Variants in DPYSL2 observed in about 807,000 individuals in gnomAD.
DPYSL2 encodes dihydropyrimidinase like 2.
A neutral mutation model predicts 69.9 loss-of-function variants in DPYSL2; 13 were observed. The ratio of observed to expected loss-of-function variants is 0.19; its 90% CI spans 0.12 to 0.30. The LOEUF (loss-of-function observed/expected upper bound fraction) is 0.30. DPYSL2 is among the 10% of genes least tolerant of loss of function. The probability of loss-of-function intolerance (pLI) is 1.00; values close to 1 mark genes in which losing one functional copy is unlikely to be tolerated. For missense variants in DPYSL2, 587 were observed against 918.9 expected (o/e 0.64, Z 4.67); for synonymous variants, 326 against 359.1 (o/e 0.91, Z 1.04).
At chr8:26,604,406 C>T (rs542288216) in intron 3 of DPYSL2, among the ~76,000 whole-genome samples, 33 of 152,224 alleles carry the variant, frequency 2.2e-4, no homozygotes, top group African/African-American at 7.7e-4. Flanking sequence ...GCCCAGTGGC[C>T]AGTTTCCATC....
intron 3 of DPYSL2, among the ~76,000 whole-genome samples, chr8:26,603,009 T>C (rs1802026613): frequency 6.6e-6 from 1 of 152,210 alleles, no homozygotes; most frequent in South Asian, 2.1e-4. Context: ...AAGAGAGAGA[T>C]GTGTGCAGAA....
rs1021625557 is a variant in DPYSL2, at chr8:26,588,199, A to G, written c.628+4216A>G. On this transcript the variant is annotated intron_variant, in intron 3 of 13. Coordinates refer to ENST00000521913, the MANE Select transcript of DPYSL2 (RefSeq NM_001197293.3). This position sits in a 1 kb window ranked among gnomAD's most constrained non-coding sequence, Gnocchi z 5.4. ...TACACTGAGCTCTACTCTCCCCCGC[A>G]TGGCCGGAGAAACAGGCTGAGCTGC... 1.2e-4 allele frequency among the ~76,000 whole-genome samples: 19 copies of G among 152,160 alleles called. No homozygotes were observed. Among genetic ancestry groups the G allele is most frequent in the African/African-American group, 3.9e-4 (16 of 41,434 alleles).
At chr8:26,596,026 G>A (rs1801854555) in intron 3 of DPYSL2, among the ~76,000 whole-genome samples, 1 of 151,964 alleles carries the variant, frequency 6.6e-6, no homozygotes, top group South Asian at 2.1e-4. Context: ...GAAATCACAG[G>A]GGATGAAAAA....
chr8:26,652,561 G>C lies in DPYSL2; in HGVS notation c.1776+125G>C. The C allele has an allele frequency of 9.2e-7, 1 of 1,081,580 alleles. No individual in the cohort carries two copies. The highest frequency in any genetic ancestry group is 1.3e-6 in the Non-Finnish European group (1 of 770,250). The allele number at this position is 1,081,580 out of a possible 1,614,324, so 67.0% of individuals were successfully genotyped here. ...TTTAGTGGATTCCAGGGATAAGAGG[G>C]AGCCTGAATTTTTTATTCCTGGCAT... On this transcript the variant is annotated intron_variant, in intron 12 of 13. Coordinates refer to ENST00000521913, the MANE Select transcript of DPYSL2 (RefSeq NM_001197293.3). The surrounding 1 kb of genome is among the most constrained non-coding windows in gnomAD (Gnocchi z 6.3).
chr8:26,550,777 G>A (rs1800862618), intron 1 of DPYSL2, among the ~76,000 whole-genome samples: 1 of 152,184 alleles, frequency 6.6e-6, no homozygotes, highest in African/African-American at 2.4e-5. Context: ...CTCAGTGCAA[G>A]TCTGAAGGCC....
intron 7 of DPYSL2, among the ~76,000 whole-genome samples, chr8:26,630,847 G>A (rs1486366937): frequency 1.3e-5 from 2 of 152,158 alleles, no homozygotes; most frequent in African/African-American, 4.8e-5. Context: ...CACATACTCA[G>A]CTTAAAGCCA....
rs545390167 is a variant in DPYSL2 at position 26,582,880 on chromosome 8, A to T, written c.443+823A>T. On this transcript the variant is annotated intron_variant, in intron 2 of 13. Coordinates refer to ENST00000521913, the MANE Select transcript of DPYSL2 (RefSeq NM_001197293.3). This position sits in a 1 kb window ranked among gnomAD's most constrained non-coding sequence, Gnocchi z 4.1. ...GGAGTGGCTGTGACTGTTGCCTGGG[A>T]GCTCACACCCAGATTTATGAACCTA... Among the ~76,000 whole-genome samples the T allele has an allele frequency of 4.9e-4, 74 of 152,272 alleles. No homozygotes were observed. Among genetic ancestry groups the T allele is most frequent in the African/African-American group, 1.7e-3 (72 of 41,532 alleles).
In DPYSL2 at chr8:26,611,737, C is replaced by T. The variant is rs139194454; in HGVS notation, c.629-12406C>T. ...CTCTCCTTGCCTTCCCCCCAGGCCA[C>T]GATTTCGTCATCCTGCTTTACGGAT... is the stretch of plus-strand genomic sequence containing the variant. On this transcript the variant is annotated intron_variant, in intron 3 of 13. Coordinates refer to ENST00000521913, the MANE Select transcript of DPYSL2 (RefSeq NM_001197293.3). Among the ~76,000 whole-genome samples, 14 of 152,318 alleles carry T rather than the reference C, an allele frequency of 9.2e-5. No individual in the cohort carries two copies. In the East Asian group the frequency reaches 2.5e-3, roughly 27 times the overall value.
intron 1 of DPYSL2, among the ~76,000 whole-genome samples, chr8:26,559,088 G>A (rs999814652): frequency 3.9e-5 from 6 of 152,162 alleles, no homozygotes; most frequent in Admixed American, 6.5e-5. Flanking sequence ...GACTACAAGC[G>A]CACGCCACCA....
chr8:26,556,817 A>G (rs1800995742), intron 1 of DPYSL2, among the ~76,000 whole-genome samples: 1 of 152,144 alleles, frequency 6.6e-6, no homozygotes, highest in South Asian at 2.1e-4. Flanking sequence ...AACAAATTAG[A>G]TACCATCTGA....
intron 1 of DPYSL2, among the ~76,000 whole-genome samples, chr8:26,557,944 A>C (rs1279317450): frequency 6.6e-6 from 1 of 151,596 alleles, no homozygotes; most frequent in African/African-American, 2.4e-5. Context: ...CCTAACACCA[A>C]ATGCTTGTGA....
At position 26,627,868 on chromosome 8, in the gene DPYSL2, G is replaced by A. The variant is rs534170473; in HGVS notation, c.937-4G>A. 6.2e-7 allele frequency: 1 copy of A among 1,613,508 alleles called. No homozygotes were observed. Among genetic ancestry groups the A allele is most frequent in the Non-Finnish European group, 8.5e-7 (1 of 1,179,930 alleles). On this transcript the variant is annotated splice_polypyrimidine_tract_variant and splice_region_variant and intron_variant, in intron 6 of 13. Coordinates refer to ENST00000521913, the MANE Select transcript of DPYSL2 (RefSeq NM_001197293.3). This position sits in a 1 kb window ranked among gnomAD's most constrained non-coding sequence, Gnocchi z 6.9. ...CACAGCCTGACTTTCTCTAAACATT[G>A]CAGGAGCAGCAGAGGATCCTGGATC...
In DPYSL2 at chr8:26,565,094, G is replaced by T. The variant is rs1801128718; in HGVS notation, c.355-16875G>T. The stretch of plus-strand genomic sequence containing the variant: ...CAGCTCCACCCGAATTACTGCAAAA[G>T]ATATTATATCATTCTTTATCATTCT... On this transcript the variant is annotated intron_variant, in intron 1 of 13. Transcript: ENST00000521913. This position sits in a 1 kb window ranked among gnomAD's most constrained non-coding sequence, Gnocchi z 4.1. 6.6e-6 allele frequency among the ~76,000 whole-genome samples: 1 copy of T among 152,146 alleles called. No individual in the cohort carries two copies. Among genetic ancestry groups the T allele is most frequent in the African/African-American group, 2.4e-5 (1 of 41,432 alleles).
chr8:26,514,264 G>T lies in DPYSL2; in HGVS notation c.-62G>T. 7.3e-7 allele frequency: 1 copy of T among 1,362,684 alleles called. No individual in the cohort carries two copies. Among genetic ancestry groups the T allele is most frequent in the Non-Finnish European group, 9.6e-7 (1 of 1,043,518 alleles). The allele number at this position is 1,362,684 out of a possible 1,614,324, so 84.4% of individuals were successfully genotyped here. A position where few individuals can be genotyped will look rare whatever the true frequency, so the allele number is the denominator to read the frequency against. Reference sequence around the variant, plus strand: ...TAGGGGGCTTGTGCACACAGCGAGGGAGACTTAGGGACTGGCAGACGGACG... The same window carrying T: ...TAGGGGGCTTGTGCACACAGCGAGGTAGACTTAGGGACTGGCAGACGGACG... On this transcript the variant is annotated 5_prime_UTR_variant, in exon 1 of 14. Transcript: ENST00000521913. The surrounding 1 kb of genome is among the most constrained non-coding windows in gnomAD (Gnocchi z 8.4).
rs1032095962 is a variant in DPYSL2 at position 26,562,802 on chromosome 8, G to T, written c.355-19167G>T. ...TGTTGTCTCTGCTCCACGATGTCTA[G>T]GGCCGTATCTGGGAAAACTTGAATG... is the stretch of plus-strand genomic sequence containing the variant. On this transcript the variant is annotated intron_variant, in intron 1 of 13. Transcript: ENST00000521913. The surrounding 1 kb of genome is among the most constrained non-coding windows in gnomAD (Gnocchi z 4.9). 1.3e-5 allele frequency among the ~76,000 whole-genome samples: 2 copies of T among 152,160 alleles called. No homozygotes were observed. The highest frequency in any genetic ancestry group is 4.8e-5 in the African/African-American group (2 of 41,434).
At chr8:26,524,499 C>CATTAAAA (rs1302584500) in intron 1 of DPYSL2, among the ~76,000 whole-genome samples, 2 of 151,908 alleles carry the variant, frequency 1.3e-5, no homozygotes, top group Non-Finnish European at 2.9e-5. Context: ...TTTAAATTCC[C>CATTAAAA]ATTAAAAATG....
At chr8:26,558,240 C>T (rs1801020763) in intron 1 of DPYSL2, among the ~76,000 whole-genome samples, 1 of 152,066 alleles carries the variant, frequency 6.6e-6, no homozygotes, top group Admixed American at 6.6e-5. Flanking sequence ...TACATTCAGA[C>T]ACTGGAATAT....
rs908150122 is a variant in DPYSL2 at position 26,587,436 on chromosome 8, C to T, written c.628+3453C>T. ...CATGTCACCATGTCACCTGCCCTCA[C>T]GGGTAAATCCTCGCCTGCCTCCCTG... is the stretch of plus-strand genomic sequence containing the variant. On this transcript the variant is annotated intron_variant, in intron 3 of 13. Transcript: ENST00000521913. The surrounding 1 kb of genome is among the most constrained non-coding windows in gnomAD (Gnocchi z 4.2). 6.4e-4 allele frequency among the ~76,000 whole-genome samples: 98 copies of T among 152,200 alleles called. No individual in the cohort carries two copies. The highest frequency in any genetic ancestry group is 6.1e-3 in the Admixed American group (93 of 15,288).
rs922390489 is a variant in DPYSL2 at position 26,588,280 on chromosome 8, C to T, written c.628+4297C>T. 6.6e-6 allele frequency among the ~76,000 whole-genome samples: 1 copy of T among 151,774 alleles called. No homozygotes were observed. The highest frequency in any genetic ancestry group is 1.9e-4 in the East Asian group (1 of 5,158). On this transcript the variant is annotated intron_variant, in intron 3 of 13. Transcript: ENST00000521913. The surrounding 1 kb of genome is among the most constrained non-coding windows in gnomAD (Gnocchi z 5.4). ...GCAGGCGCTGTCTAGGCGTGGCTGG[C>T]GGACTGTGTGCTTTGTGTGTTGCTT...
Sources: gnomAD v4.1 joint callset for allele counts (sites outside exome capture counted in the v4.1 genomes callset) on GRCh38, gnomAD v4.1.1 for gene constraint, Gnocchi (gnomAD v3.1) non-coding constraint, MANE v1.5 for transcripts, NCBI Gene and HGNC (gene_info 2026-07-23, HGNC 2026-07-21) for gene names.